The following LRGUK variants were observed in gnomAD, a reference collection of about 807,000 sequenced individuals.
LRGUK encodes the protein leucine rich repeats and guanylate kinase domain containing, also known as leucine-rich repeat and guanylate kinase domain-containing protein.
Under a neutral mutation model 76.0 loss-of-function variants are expected in LRGUK, and 65 were observed. The ratio of observed to expected loss-of-function variants is 0.85; its 90% CI spans 0.70 to 1.05. The LOEUF is 1.05. Among genes scored for constraint, LRGUK ranks in the 50% least tolerant of loss-of-function variants. The pLI, the probability that LRGUK is intolerant of heterozygous loss-of-function variation, is 0.00. For missense variants in LRGUK, 758 were observed against 732.8 expected, an observed-to-expected ratio of 1.03 and a Z score of -0.40; for synonymous variants, 268 against 265.6, an observed-to-expected ratio of 1.01 and a Z score of -0.09.
chr7:134,141,310 G>A (rs1797755025), intron 3 of LRGUK, among the ~76,000 whole-genome samples: 1 of 152,154 alleles, frequency 6.6e-6, no homozygotes, highest in African/African-American at 2.4e-5. Context: ...ACAGATTTCT[G>A]GGCCCCACTC....
At position 134,196,162 on chromosome 7, in the gene LRGUK, G is replaced by A. The variant is rs141223510; in HGVS notation, c.1432-830G>A. On this transcript the variant is annotated intron_variant, in intron 12 of 15. Transcript: ENST00000645682. ...ATCACATATATGAGAAGTCACTCTT[G>A]CCAAGATCATCCACGTTTTTATTCC... is the stretch of plus-strand genomic sequence containing the variant. Among the ~76,000 whole-genome samples the A allele has an allele frequency of 2.5e-3, 382 of 152,304 alleles. 2 individuals carry two copies. Among genetic ancestry groups the A allele is most frequent in the African/African-American group, 8.5e-3 (353 of 41,574 alleles).
chr7:134,207,517 T>C (rs1801059289), intron 15 of LRGUK, among the ~76,000 whole-genome samples: 1 of 152,200 alleles, frequency 6.6e-6, no homozygotes, highest in Non-Finnish European at 1.5e-5. Context: ...GAGGGAAGCC[T>C]TTCTTTGTTC....
intron 12 of LRGUK, among the ~76,000 whole-genome samples, chr7:134,192,546 AT>A (rs1239003425): frequency 1.3e-5 from 2 of 152,112 alleles, no homozygotes; most frequent in Admixed American, 1.3e-4. Flanking sequence ...CTTTGAATTC[AT>A]TTTCTTCAAA....
At chr7:134,157,661 T>C (rs954940705) in intron 5 of LRGUK, among the ~76,000 whole-genome samples, 2 of 152,212 alleles carry the variant, frequency 1.3e-5, no homozygotes, top group African/African-American at 4.8e-5. Context: ...TAGCTGGGAC[T>C]ACAGGCACCC....
At chr7:134,201,599 C>A in intron 15 of LRGUK, 23 bp downstream of exon 15, 1 of 1,568,026 alleles carries the variant, frequency 6.4e-7, no homozygotes, top group Non-Finnish European at 8.7e-7. Flanking sequence ...CATTTTTGTG[C>A]CAGGATTTTT....
At chr7:134,259,951 A>T (rs1303475009) in intron 19 of LRGUK, among the ~76,000 whole-genome samples, 5 of 152,096 alleles carry the variant, frequency 3.3e-5, no homozygotes, top group Admixed American at 3.3e-4. Flanking sequence ...ATCCTTCCTT[A>T]AATGGGATGC....
At chr7:134,183,262 G>C (rs1403556227) in intron 10 of LRGUK, among the ~76,000 whole-genome samples, 1 of 152,196 alleles carries the variant, frequency 6.6e-6, no homozygotes, top group East Asian at 1.9e-4. Context: ...ATGAGGTAAT[G>C]GATGTATGAC....
intron 18 of LRGUK, among the ~76,000 whole-genome samples, chr7:134,256,757 G>C (rs1361737016): frequency 1.3e-5 from 2 of 152,078 alleles, no homozygotes; most frequent in African/African-American, 2.4e-5. Context: ...GAGCTGTCCT[G>C]GTATGCCTAA....
intron 6 of LRGUK, among the ~76,000 whole-genome samples, chr7:134,160,185 T>A (rs1798663354): frequency 6.6e-6 from 1 of 152,204 alleles, no homozygotes; most frequent in Non-Finnish European, 1.5e-5. Context: ...CTTAAGGGAA[T>A]GAGAATGAAC....
At chr7:134,182,129 T>A (rs1413904982) in intron 10 of LRGUK, among the ~76,000 whole-genome samples, 1 of 152,228 alleles carries the variant, frequency 6.6e-6, no homozygotes, top group Non-Finnish European at 1.5e-5. Flanking sequence ...TTGGCTTTTT[T>A]TCACTCAGAC....
chr7:134,178,949 C>CAAAAAAAAAAAAAAA (rs1799620836), intron 10 of LRGUK, among the ~76,000 whole-genome samples: 6 of 84,142 alleles, frequency 7.1e-5, no homozygotes, highest in African/African-American at 9.6e-5. Flanking sequence ...AAAAAAAAAA[C>CAAAAAAAAAAAAAAA]CAGGACCAAT....
At chr7:134,212,537 A>T (rs1298533174), downstream of LRGUK, among the ~76,000 whole-genome samples, 2 of 152,258 alleles carry the variant, frequency 1.3e-5, no homozygotes, top group African/African-American at 4.8e-5. Flanking sequence ...GAAATCCAGG[A>T]TATAGAAATC....
chr7:134,141,237 A>C (rs1203369837), intron 3 of LRGUK, among the ~76,000 whole-genome samples: 2 of 152,172 alleles, frequency 1.3e-5, no homozygotes, highest in African/African-American at 4.8e-5. Flanking sequence ...TGACAGTCTC[A>C]CTGGTCTCCT....
At chr7:134,201,287 A>G (rs1220481462) in intron 14 of LRGUK, among the ~76,000 whole-genome samples, 194 bp from the exon 15 acceptor site, 1 of 152,150 alleles carries the variant, frequency 6.6e-6, no homozygotes, top group Admixed American at 6.5e-5. Context: ...CATTGCCTTC[A>G]CAGGTTCTGC....
At chr7:134,230,355 T>C (rs1374765233) in intron 16 of LRGUK, among the ~76,000 whole-genome samples, 2 of 152,102 alleles carry the variant, frequency 1.3e-5, no homozygotes, top group Non-Finnish European at 2.9e-5. Flanking sequence ...AGACTATCAA[T>C]ATGTGGGGCA....
intron 10 of LRGUK, among the ~76,000 whole-genome samples, chr7:134,183,251 A>C (rs1328171581): frequency 6.6e-6 from 1 of 152,210 alleles, no homozygotes; most frequent in Non-Finnish European, 1.5e-5. Context: ...GTGATAATTA[A>C]ATGAGGTAAT....
intron 11 of LRGUK, among the ~76,000 whole-genome samples, chr7:134,184,865 T>A (rs565616906): frequency 6.6e-6 from 1 of 152,252 alleles, no homozygotes; most frequent in Admixed American, 6.5e-5. Flanking sequence ...ATAAATGGCA[T>A]GTGAAGGCAG....
At position 134,158,153 on chromosome 7, in the gene LRGUK, TTGTC is replaced by T. The variant is rs1233167932; in HGVS notation, c.792_795del (p.Cys264Ter). The T allele has an allele frequency of 6.8e-6, 11 of 1,611,832 alleles. No homozygotes were observed. Among genetic ancestry groups the T allele is most frequent in the African/African-American group, 1.3e-5 (1 of 74,906 alleles). ...TAAACAAGTTACCAATCAAAATACT[TTGTC>T]TGGTGAGTCTAACAAAATGCTGTTC... On this transcript the variant is annotated frameshift_variant and splice_region_variant, in exon 6 of 16. Coordinates refer to ENST00000645682, the Ensembl canonical transcript of LRGUK. LOFTEE classifies it high-confidence loss of function.
At chr7:134,147,905 C>CA (rs755147156) in intron 4 of LRGUK, among the ~76,000 whole-genome samples, 32 of 151,790 alleles carry the variant, frequency 2.1e-4, no homozygotes, top group Admixed American at 2.6e-4. Context: ...ACTAAAAATA[C>CA]AAAAAAATTA....
Sources: allele counts gnomAD v4.1 joint callset (sites outside exome capture counted in the v4.1 genomes callset), GRCh38; gene constraint gnomAD v4.1.1; transcripts MANE v1.5; gene names NCBI Gene and HGNC (gene_info 2026-07-23, HGNC 2026-07-21).